SFPQ: variants seen among roughly 807,000 people sequenced by gnomAD.
The protein encoded by SFPQ is splicing factor, proline- and glutamine-rich.
A neutral mutation model predicts 72.9 loss-of-function variants in SFPQ; 11 were observed. The ratio of observed to expected loss-of-function variants is 0.15; its 90% CI spans 0.09 to 0.25. The LOEUF (loss-of-function observed/expected upper bound fraction) is 0.25. Among genes scored for constraint, SFPQ ranks in the 10% least tolerant of loss-of-function variants. The pLI is 1.00. For missense variants in SFPQ, 847 were observed against 993.3 expected (o/e 0.85, Z 1.98); for synonymous variants, 506 against 367.3 (o/e 1.38, Z -4.32).
chr1:35,178,738 TCCTC>T (rs1471649398), downstream of SFPQ: 1 of 1,054,424 alleles, frequency 9.5e-7, no homozygotes, highest in Non-Finnish European at 1.1e-6. Flanking sequence ...AGGTTTTTCT[TCCTC>T]CCTGAATGAT....
In SFPQ at chr1:35,192,568, G is replaced by A. The variant is rs775803476; in HGVS notation, c.482C>T (p.Pro161Leu). 6 of 1,328,518 alleles carry A rather than the reference G, an allele frequency of 4.5e-6. No homozygotes were observed. The highest frequency in any genetic ancestry group is 2.0e-5 in the South Asian group (1 of 48,834). The allele number at this position is 1,328,518 out of a possible 1,614,324, so 82.3% of individuals were successfully genotyped here. ...CGGGGTGGGTGGCGGCGCCCCGGGAGGGGCCGAGGTGACTGCAGGCGGCGG... is the reference window on the plus strand; with the variant it reads ...CGGGGTGGGTGGCGGCGCCCCGGGAAGGGCCGAGGTGACTGCAGGCGGCGG... ...PTPPPAVTSA[P>L]PGAPPPTPPS... Residue 161 changes from proline (P) to leucine (L), a missense_variant, in exon 1 of 10, where the codon CCT (proline) becomes CTT (leucine). Physicochemically the swap from Pro to Leu is moderately conservative, Grantham distance 98 (BLOSUM62 -3). Coordinates refer to ENST00000357214, the MANE Select transcript of SFPQ (RefSeq NM_005066.3).
intron 9 of SFPQ, among the ~76,000 whole-genome samples, chr1:35,185,173 A>AT (rs1445309394): frequency 6.6e-6 from 1 of 152,250 alleles, no homozygotes; most frequent in Non-Finnish European, 1.5e-5. Context: ...AAGAAAAAGC[A>AT]TAAGACTATA....
chr1:35,188,436 G>A (rs1639833921), intron 6 of SFPQ, among the ~76,000 whole-genome samples: 1 of 152,180 alleles, frequency 6.6e-6, no homozygotes, highest in Non-Finnish European at 1.5e-5. Context: ...GGTAGTTCAT[G>A]CCTGTAATCT....
rs1557801761 is a variant in SFPQ at position 35,187,988 on chromosome 1, C to T, written c.1800G>A (p.Met600Ile). 1.2e-6 allele frequency: 2 copies of T among 1,612,886 alleles called. No homozygotes were observed. The highest frequency in any genetic ancestry group is 1.7e-6 in the Non-Finnish European group (2 of 1,178,876). Reference protein sequence around the residue: ...RRQREESYSRMGYMDPRERDM... With the variant: ...RRQREESYSRIGYMDPRERDM... ...GCTGACTTACTGGATCCATGTAGCC[C>T]ATTCGGCTGTAACTTTCCTCTCTTT... Residue 600 changes from methionine to isoleucine, a missense_variant, in exon 7 of 10, where the codon ATG (methionine) becomes ATA (isoleucine). Transcript: ENST00000357214.
exon 6 of SFPQ, chr1:35,176,441 CGTT>C (rs1016950644): frequency 5.3e-5 from 8 of 152,154 alleles, no homozygotes; most frequent in African/African-American, 1.9e-4. Context: ...CACTCCTTCT[CGTT>C]GGTTTTCTGG....
chr1:35,179,190 C>T, downstream of SFPQ: 1 of 1,060,624 alleles, frequency 9.4e-7, no homozygotes, highest in Non-Finnish European at 1.1e-6. Flanking sequence ...AAGTGAAAGG[C>T]AGTAAATGCA....
At chr1:35,189,504 C>G in intron 4 of SFPQ, 122 bp from the exon 5 acceptor site, 1 of 665,868 alleles carries the variant, frequency 1.5e-6, no homozygotes, top group Non-Finnish European at 2.5e-6. Flanking sequence ...CAAAAATTTT[C>G]CTGATTCATC....
In SFPQ at chr1:35,183,910, T is replaced by C. The variant is rs1334039794; in HGVS notation, c.*546A>G. 1 of 1,051,452 alleles carries C rather than the reference T, an allele frequency of 9.5e-7. No individual in the cohort carries two copies. The highest frequency in any genetic ancestry group is 1.1e-6 in the Non-Finnish European group (1 of 870,398). 65.1% of individuals were successfully genotyped at this position (1,051,452 alleles called of 1,614,324 possible). A position where few individuals can be genotyped will look rare whatever the true frequency, so the allele number is the denominator to read the frequency against. On this transcript the variant is annotated 3_prime_UTR_variant, in exon 10 of 10. Coordinates refer to ENST00000357214, the MANE Select transcript of SFPQ (RefSeq NM_005066.3). ...ACTTAGCACCAGCGTGCTTCCTATATGCCAAACAAATCATCAAACTACTTC... is the reference window on the plus strand; with the variant it reads ...ACTTAGCACCAGCGTGCTTCCTATACGCCAAACAAATCATCAAACTACTTC...
chr1:35,180,506 A>C (rs1639423014), downstream of SFPQ: 1 of 1,050,198 alleles, frequency 9.5e-7, no homozygotes, highest in African/African-American at 1.7e-5. Flanking sequence ...ACCTTCCCCC[A>C]GGTTTAGAGT....
At chr1:35,180,336 A>G (rs780369777), downstream of SFPQ, 4 of 1,045,302 alleles carry the variant, frequency 3.8e-6, no homozygotes, top group Non-Finnish European at 4.6e-6. Context: ...GTTTTCTTGT[A>G]AACATTTTGG....
chr1:35,179,177 A>AT (rs1355575146), downstream of SFPQ: 1 of 1,060,428 alleles, frequency 9.4e-7, no homozygotes, highest in Non-Finnish European at 1.1e-6. Context: ...GTCCAAAATC[A>AT]TTAAGTGAAA....
At chr1:35,192,095 C>T (rs566579239) in intron 1 of SFPQ, 127 bp downstream of exon 1, 2 of 756,830 alleles carry the variant, frequency 2.6e-6, no homozygotes, top group African/African-American at 1.8e-5. Context: ...CGCCCCGCCC[C>T]CGCAGCGGCG....
At chr1:35,186,267 T>C (rs185614125) in intron 9 of SFPQ, among the ~76,000 whole-genome samples, 15 of 152,336 alleles carry the variant, frequency 9.8e-5, no homozygotes, top group Admixed American at 4.6e-4. Context: ...TAACGATTTG[T>C]AAAGCCCTAA....
chr1:35,187,244 C>T lies in SFPQ; in HGVS notation c.1823G>A (p.Arg608Lys). The T allele has an allele frequency of 6.2e-7, 1 of 1,614,194 alleles. No homozygotes were observed. The highest frequency in any genetic ancestry group is 8.5e-7 in the Non-Finnish European group (1 of 1,180,032). ...TCCTCCGCCACCCATTCGCATGTCT[C>T]TTTCCCGCTGCAAGAAAAAAATTCC... Reference protein sequence around the residue: ...SRMGYMDPRERDMRMGGGGAM... With the variant: ...SRMGYMDPREKDMRMGGGGAM... The change falls in exon 8 of 10, where the codon AGA becomes AAA. Residue 608 changes from arginine (R) to lysine (K), a missense_variant. Physicochemically the swap from Arg to Lys is conservative, Grantham distance 26. This residue lies in a region of SFPQ where 154 missense variants were observed against 186.0 expected (regional missense o/e 0.83). Coordinates refer to ENST00000357214, the MANE Select transcript of SFPQ (RefSeq NM_005066.3).
rs779757322 is a variant in SFPQ, at chr1:35,189,369, G to A, written c.1429C>T (p.Pro477Ser). The part of the protein sequence containing the change: ...NPMYQKERET[P>S]PRFAQHGTFE... Reference sequence around the variant, plus strand: ...GTGCCATGCTGGGCAAAACGAGGAGGGGTTTCTCTCTCCCTAACAATACAC... The same window carrying A: ...GTGCCATGCTGGGCAAAACGAGGAGAGGTTTCTCTCTCCCTAACAATACAC... The change falls in exon 5 of 10, where the codon CCT becomes TCT. Residue 477 changes from proline (P) to serine (S), a missense_variant. This residue lies in a region of SFPQ where 132 missense variants were observed against 255.4 expected (regional missense o/e 0.52). Transcript: ENST00000357214. 3 of 1,613,526 alleles carry A rather than the reference G, an allele frequency of 1.9e-6. No individual in the cohort carries two copies. The highest frequency in any genetic ancestry group is 1.7e-6 in the Non-Finnish European group (2 of 1,179,756).
chr1:35,185,579 A>G (rs1639671463), intron 9 of SFPQ, among the ~76,000 whole-genome samples: 1 of 152,198 alleles, frequency 6.6e-6, no homozygotes, highest in Non-Finnish European at 1.5e-5. Flanking sequence ...ACAGCAGCCT[A>G]CACTTTTTCT....
At chr1:35,191,738 A>G (rs1409985919) in intron 1 of SFPQ, among the ~76,000 whole-genome samples, 1 of 151,652 alleles carries the variant, frequency 6.6e-6, no homozygotes, top group African/African-American at 2.4e-5. Flanking sequence ...GAATAGACAC[A>G]CTTCCCCAAA....
Position 35,183,994 on chromosome 1 carries a change from A to C in SFPQ, c.*462T>G. 2 of 1,056,544 alleles carry C rather than the reference A, an allele frequency of 1.9e-6. No individual in the cohort carries two copies. The highest frequency in any genetic ancestry group is 1.1e-6 in the Non-Finnish European group (1 of 873,654). The allele number at this position is 1,056,544 out of a possible 1,614,324, so 65.4% of individuals were successfully genotyped here. ...CAATTATTTGTAGAAAGCAATACTT[A>C]GCCTCCAGATGCATTTCCCAGAAAT... On this transcript the variant is annotated 3_prime_UTR_variant, in exon 10 of 10. Coordinates refer to ENST00000357214, the MANE Select transcript of SFPQ (RefSeq NM_005066.3).
chr1:35,180,647 C>T, downstream of SFPQ: 1 of 1,053,174 alleles, frequency 9.5e-7, no homozygotes, highest in Non-Finnish European at 1.1e-6. Context: ...TACAAAAAAA[C>T]CTGTACTTTT....
Sources: gnomAD v4.1 joint callset for allele counts (sites outside exome capture counted in the v4.1 genomes callset) on GRCh38, gnomAD v4.1.1 for gene constraint, gnomAD v4.1.1 regional missense constraint, MANE v1.5 for transcripts, NCBI Gene and HGNC (gene_info 2026-07-23, HGNC 2026-07-21) for gene names.